The following POU6F2 variants were observed in gnomAD, a reference collection of about 807,000 sequenced individuals.
POU6F2 encodes the protein POU domain, class 6, transcription factor 2.
A neutral mutation model predicts 71.3 loss-of-function variants in POU6F2; 31 were observed. That is an observed-to-expected ratio of 0.43 (90% CI 0.33 to 0.59). POU6F2 has a LOEUF of 0.59. Among genes scored for constraint, POU6F2 ranks in the 20% least tolerant of loss-of-function variants. The pLI, the probability that POU6F2 is intolerant of heterozygous loss-of-function variation, is 0.04. For synonymous variants in POU6F2, 347 were observed against 355.7 expected (o/e 0.98, Z 0.27); for missense variants, 783 against 856.8 (o/e 0.91, Z 1.07).
At chr7:39,269,186 A>G (rs1436088037) in intron 4 of POU6F2, among the ~76,000 whole-genome samples, 1 of 152,150 alleles carries the variant, frequency 6.6e-6, no homozygotes, top group Non-Finnish European at 1.5e-5. Flanking sequence ...TATGTGTTAT[A>G]AAGAAATGGT....
intron 1 of POU6F2, chr7:39,083,940 G>A (rs1791182359): frequency 6.6e-6 from 1 of 152,088 alleles, no homozygotes; most frequent in African/African-American, 2.4e-5. Context: ...TGTCATGTTG[G>A]TTCTTAAGCT....
chr7:39,307,596 T>C (rs1785071613), intron 4 of POU6F2, among the ~76,000 whole-genome samples: 1 of 152,204 alleles, frequency 6.6e-6, no homozygotes. Flanking sequence ...AAAAGTTTCT[T>C]AGAGCTTCAT....
intron 1 of POU6F2, among the ~76,000 whole-genome samples, chr7:39,039,663 GAGTTGAT>G (rs1790140121): frequency 6.6e-6 from 1 of 151,652 alleles, no homozygotes. Flanking sequence ...ATCAGCATGT[GAGTTGAT>G]AGTCGCAAAT....
intron 1 of POU6F2, among the ~76,000 whole-genome samples, chr7:38,994,692 A>G (rs1463977747): frequency 2.6e-5 from 4 of 151,602 alleles, no homozygotes; most frequent in African/African-American, 4.9e-5. Flanking sequence ...CCCACTTCCC[A>G]GTTTTCTTTA....
intron 2 of POU6F2, among the ~76,000 whole-genome samples, chr7:39,121,569 T>C (rs1216511589): frequency 6.6e-6 from 1 of 152,224 alleles, no homozygotes; most frequent in East Asian, 1.9e-4. Context: ...GTACATACTA[T>C]ATTTGCTGTT....
At chr7:39,275,930 A>G (rs1263516508) in intron 4 of POU6F2, among the ~76,000 whole-genome samples, 7 of 152,098 alleles carry the variant, frequency 4.6e-5, no homozygotes, top group African/African-American at 1.7e-4. Context: ...TAAACGTTAG[A>G]CCTAAAACCA....
intron 1 of POU6F2, among the ~76,000 whole-genome samples, chr7:39,075,902 CT>C (rs750036282): frequency 6.6e-6 from 1 of 152,314 alleles, no homozygotes; most frequent in Admixed American, 6.5e-5. Context: ...GAAAATGAGA[CT>C]TTCCTTTTCC....
At chr7:39,089,183 A>T (rs954007251) in intron 2 of POU6F2, among the ~76,000 whole-genome samples, 6 of 152,216 alleles carry the variant, frequency 3.9e-5, no homozygotes, top group African/African-American at 1.4e-4. Context: ...ACTAAAGTAC[A>T]CTTAGGAGAG....
At chr7:39,262,736 T>TTTC (rs1554336427) in intron 4 of POU6F2, among the ~76,000 whole-genome samples, 1 of 151,564 alleles carries the variant, frequency 6.6e-6, no homozygotes, top group African/African-American at 2.4e-5. Context: ...ATAGTTGTAG[T>TTTC]TTGTTGTTGT....
At chr7:39,032,272 A>T (rs1470430051) in intron 1 of POU6F2, among the ~76,000 whole-genome samples, 1 of 152,230 alleles carries the variant, frequency 6.6e-6, no homozygotes, top group East Asian at 1.9e-4. Context: ...CTATAACCAC[A>T]GTGAGTCCTT....
intron 1 of POU6F2, among the ~76,000 whole-genome samples, chr7:39,065,572 A>G (rs2128716903): frequency 6.6e-6 from 1 of 151,674 alleles, no homozygotes; most frequent in East Asian, 1.9e-4. Flanking sequence ...TGCTAAATCT[A>G]AACAACATAA....
rs753958758 is a variant in POU6F2 at position 39,204,306 on chromosome 7, C to G, written c.349C>G (p.Pro117Ala). ...ACACCAGGCCAGTCAGACCCACCCC[C>G]CATTTCCAGTTGGGCCACAGGTCAG... ...DQHQASQTHP[P>A]FPVGPQPLLT... The change falls in exon 3 of 10, where the codon CCA (proline) becomes GCA (alanine). Residue 117 changes from proline (P) to alanine (A), a missense_variant. By Grantham distance (27) the Pro-to-Ala change is conservative (BLOSUM62 -1). This residue lies in a region of POU6F2 where 572 missense variants were observed against 572.9 expected (regional missense o/e 1.00). Coordinates refer to ENST00000518318, the MANE Select transcript of POU6F2 (RefSeq NM_001370959.1). 5 of 1,613,718 alleles carry G rather than the reference C, an allele frequency of 3.1e-6. No homozygotes were observed. The Admixed American group carries it at 5.0e-5, about 16-fold the overall frequency.
chr7:39,215,985 G>GT (rs1794234898), intron 4 of POU6F2, among the ~76,000 whole-genome samples: 1 of 152,180 alleles, frequency 6.6e-6, no homozygotes, highest in Admixed American at 6.5e-5. Flanking sequence ...TCTGGGATAT[G>GT]TTTTTTTCGT....
chr7:39,285,503 G>C (rs1266793670), intron 4 of POU6F2, among the ~76,000 whole-genome samples: 1 of 152,128 alleles, frequency 6.6e-6, no homozygotes, highest in Non-Finnish European at 1.5e-5. Context: ...TGTGAATATA[G>C]GGAAAGTTGC....
At chr7:39,319,153 A>AT (rs1483067715) in intron 4 of POU6F2, among the ~76,000 whole-genome samples, 1 of 152,160 alleles carries the variant, frequency 6.6e-6, no homozygotes, top group Non-Finnish European at 1.5e-5. Context: ...CAAAACTCCA[A>AT]TTTGATTTGA....
Position 38,980,551 on chromosome 7 carries a change from G to C in POU6F2, c.105+2493G>C, listed in dbSNP as rs74644147. Among the ~76,000 whole-genome samples, 198 of 152,266 alleles carry C rather than the reference G, an allele frequency of 1.3e-3. 1 individual carries two copies. The highest frequency in any genetic ancestry group is 0.012 in the East Asian group (62 of 5,182). On this transcript the variant is annotated intron_variant, in intron 1 of 9. Coordinates refer to ENST00000518318, the MANE Select transcript of POU6F2 (RefSeq NM_001370959.1). ...TGAAAATAATTTTTATTGCTCTGCTGTCACTCAAAACCAGAAAGGGATGGT... is the reference window on the plus strand; with the variant it reads ...TGAAAATAATTTTTATTGCTCTGCTCTCACTCAAAACCAGAAAGGGATGGT...
chr7:39,354,038 C>T (rs1269488822), intron 5 of POU6F2, among the ~76,000 whole-genome samples: 2 of 152,338 alleles, frequency 1.3e-5, no homozygotes, highest in African/African-American at 4.8e-5. Flanking sequence ...CTCCAGGCGG[C>T]CCGGCAGGAG....
chr7:39,015,505 TA>T (rs1789459707), intron 1 of POU6F2, among the ~76,000 whole-genome samples: 1 of 61,740 alleles, frequency 1.6e-5, no homozygotes, highest in Non-Finnish European at 3.6e-5. Context: ...TATTATATAT[TA>T]TTATATATAT....
chr7:39,148,256 G>A (rs983159013), intron 2 of POU6F2, among the ~76,000 whole-genome samples: 2 of 152,184 alleles, frequency 1.3e-5, no homozygotes, highest in African/African-American at 4.8e-5. Context: ...AGAATTGACA[G>A]GATTTGACCA....
Sources: gnomAD v4.1 joint callset for allele counts (sites outside exome capture counted in the v4.1 genomes callset) on GRCh38, gnomAD v4.1.1 for gene constraint, gnomAD v4.1.1 regional missense constraint, MANE v1.5 for transcripts, NCBI Gene and HGNC (gene_info 2026-07-23, HGNC 2026-07-21) for gene names.